WDSUB1: variants seen among roughly 807,000 people sequenced by gnomAD.
WDSUB1 encodes the protein WD repeat, sterile alpha motif and U-box domain containing 1.
A neutral mutation model predicts 53.9 loss-of-function variants in WDSUB1; 49 were observed. That is an observed-to-expected ratio of 0.91 (90% confidence interval 0.72 to 1.15). WDSUB1 has a LOEUF of 1.15. WDSUB1 is among the 50% of genes most tolerant of loss of function. The pLI, the probability that WDSUB1 is intolerant of heterozygous loss-of-function variation, is 0.00. For missense variants in WDSUB1, 514 were observed against 562.0 expected (o/e 0.91, Z 0.86); for synonymous variants, 194 against 200.6 (o/e 0.97, Z 0.28).
At chr2:159,257,463 T>G (rs1356008986) in intron 8 of WDSUB1, among the ~76,000 whole-genome samples, 10 of 151,610 alleles carry the variant, frequency 6.6e-5, no homozygotes, top group Admixed American at 6.6e-4. Context: ...CTCAGGTCAC[T>G]GTAACCTCCG....
At chr2:159,258,750 T>G (rs548110854) in intron 6 of WDSUB1, among the ~76,000 whole-genome samples, 1 of 152,324 alleles carries the variant, frequency 6.6e-6, no homozygotes, top group Admixed American at 6.5e-5. Flanking sequence ...ATACATATTT[T>G]ACAGAGACAA....
rs755724048 is a variant in WDSUB1 at position 159,258,000 on chromosome 2, A to G, written c.805-15T>C. Reference sequence around the variant, plus strand: ...TTCTCAGTATTCTGAAAAACAATAAAAACAGCTTTAAATTTACTCAAGTAA... The same window carrying G: ...TTCTCAGTATTCTGAAAAACAATAAGAACAGCTTTAAATTTACTCAAGTAA... On this transcript the variant is annotated splice_polypyrimidine_tract_variant and intron_variant, in intron 6 of 10. Coordinates refer to ENST00000359774, the MANE Select transcript of WDSUB1 (RefSeq NM_001128212.3). 7 of 1,610,618 alleles carry G rather than the reference A, an allele frequency of 4.3e-6. No individual in the cohort carries two copies. Among genetic ancestry groups the G allele is most frequent in the East Asian group, 4.5e-5 (2 of 44,828 alleles).
intron 5 of WDSUB1, among the ~76,000 whole-genome samples, chr2:159,269,266 G>T (rs1039067768): frequency 6.7e-6 from 1 of 150,062 alleles, no homozygotes; most frequent in Non-Finnish European, 1.5e-5. Flanking sequence ...CACCTCTTGG[G>T]TTCAAGCAAC....
rs1379918959 is a variant in WDSUB1, at chr2:159,242,349, A to G, written c.1273+6023T>C. On this transcript the variant is annotated intron_variant, in intron 10 of 10. Coordinates refer to ENST00000359774, the MANE Select transcript of WDSUB1 (RefSeq NM_001128212.3). ...TGGGATTACAGGCGTGAGCCACCACACCCGGCCAAAAGCAACTTTTTAAAA... is the reference window on the plus strand; with the variant it reads ...TGGGATTACAGGCGTGAGCCACCACGCCCGGCCAAAAGCAACTTTTTAAAA... 5.6e-5 allele frequency among the ~76,000 whole-genome samples: 8 copies of G among 144,096 alleles called. 1 individual carries two copies. Among genetic ancestry groups the G allele is most frequent in the Non-Finnish European group, 1.2e-4 (8 of 67,296 alleles). The allele number at this position is 144,096 out of a possible 152,430, so 94.5% of individuals were successfully genotyped here.
At chr2:159,240,212 A>G (rs1462636175) in intron 10 of WDSUB1, among the ~76,000 whole-genome samples, 1 of 151,434 alleles carries the variant, frequency 6.6e-6, no homozygotes, top group Non-Finnish European at 1.5e-5. Context: ...CATCCTCTAC[A>G]TATTTGTGCA....
intron 5 of WDSUB1, among the ~76,000 whole-genome samples, chr2:159,265,123 CA>C (rs144543167): frequency 6.8e-6 from 1 of 146,450 alleles, no homozygotes; most frequent in African/African-American, 2.5e-5. Context: ...ACAACAACAA[CA>C]AAAAAAAACA....
intron 10 of WDSUB1, among the ~76,000 whole-genome samples, chr2:159,239,096 G>A (rs2060570597): frequency 1.3e-5 from 2 of 152,108 alleles, no homozygotes; most frequent in South Asian, 4.2e-4. Flanking sequence ...CGACCTCCCA[G>A]GCTCAAGCAA....
intron 5 of WDSUB1, among the ~76,000 whole-genome samples, chr2:159,265,125 A>AC (rs1420625146): frequency 0.057 from 7,826 of 137,168 alleles, 725 homozygotes; most frequent in African/African-American, 0.2. Flanking sequence ...AACAACAACA[A>AC]AAAAAAACAA....
intron 5 of WDSUB1, among the ~76,000 whole-genome samples, chr2:159,263,516 T>C (rs528388999): frequency 1.4e-4 from 21 of 152,342 alleles, no homozygotes; most frequent in African/African-American, 2.4e-4. Flanking sequence ...AGTTTGATTC[T>C]GAGCTTCTTC....
intron 10 of WDSUB1, among the ~76,000 whole-genome samples, chr2:159,247,137 A>C (rs911801110): frequency 6.6e-6 from 1 of 152,252 alleles, no homozygotes; most frequent in Non-Finnish European, 1.5e-5. Flanking sequence ...ATGTGCAGCC[A>C]CTGCTATACT....
At chr2:159,261,894 ATATTTTTTTTTTTT>A (rs2061232769) in intron 5 of WDSUB1, among the ~76,000 whole-genome samples, 1 of 13,312 alleles carries the variant, frequency 7.5e-5, no homozygotes, top group Non-Finnish European at 1.1e-4. Context: ...ATATATATAT[ATATTTTTTTTTTTT>A]TTTTTTTTTT....
chr2:159,249,282 C>T (rs559926237), intron 9 of WDSUB1, among the ~76,000 whole-genome samples: 13 of 152,282 alleles, frequency 8.5e-5, no homozygotes, highest in South Asian at 8.3e-4. Context: ...ACAAATAAAG[C>T]TCATCTGTTT....
chr2:159,257,724 G>T (rs867429782), intron 8 of WDSUB1, 34 bp downstream of exon 8: 11 of 1,573,712 alleles, frequency 7.0e-6, no homozygotes, highest in Middle Eastern at 3.3e-4. Context: ...GGTGAGTGGG[G>T]TTGAAATGAG....
At chr2:159,236,311 T>C in intron 10 of WDSUB1, 121 bp from the exon 11 acceptor site, 3 of 986,562 alleles carry the variant, frequency 3.0e-6, no homozygotes, top group Non-Finnish European at 4.3e-6. Context: ...GTTATTCCTG[T>C]CTTGCTTGTA....
intron 10 of WDSUB1, among the ~76,000 whole-genome samples, chr2:159,244,639 T>A (rs2060745480): frequency 6.6e-6 from 1 of 152,188 alleles, no homozygotes; most frequent in Admixed American, 6.5e-5. Context: ...AAATATGAGC[T>A]ACTGGCCAGG....
chr2:159,242,092 C>G (rs1287872362), intron 10 of WDSUB1, among the ~76,000 whole-genome samples: 1 of 146,320 alleles, frequency 6.8e-6, no homozygotes, highest in African/African-American at 2.7e-5. Context: ...GCTCTGTCGC[C>G]CAGGCTGGAG....
At chr2:159,237,658 A>G (rs1418177903) in intron 10 of WDSUB1, among the ~76,000 whole-genome samples, 1 of 152,248 alleles carries the variant, frequency 6.6e-6, no homozygotes, top group East Asian at 1.9e-4. Context: ...ATGTGCACAC[A>G]GTACATATAC....
intron 5 of WDSUB1, among the ~76,000 whole-genome samples, chr2:159,271,387 C>T (rs1575481869): frequency 6.6e-6 from 1 of 152,264 alleles, no homozygotes; most frequent in South Asian, 2.1e-4. Flanking sequence ...CAAAGGGCCA[C>T]AGCTCCAGGC....
chr2:159,253,494 A>G (rs36117868), intron 9 of WDSUB1, among the ~76,000 whole-genome samples: 53,522 of 152,154 alleles, frequency 0.35, 12,406 homozygotes, highest in Non-Finnish European at 0.54. Flanking sequence ...AAGATTTGAT[A>G]AACTGCTCAA....
Sources: allele counts gnomAD v4.1 joint callset (sites outside exome capture counted in the v4.1 genomes callset), GRCh38; gene constraint gnomAD v4.1.1; transcripts MANE v1.5; gene names NCBI Gene and HGNC (gene_info 2026-07-23, HGNC 2026-07-21).